The following IFT122 variants were observed in gnomAD, a reference collection of about 807,000 sequenced individuals.
IFT122 encodes the protein intraflagellar transport protein 122 homolog.
Under a neutral mutation model 161.6 loss-of-function variants are expected in IFT122, and 118 were observed. The ratio of observed to expected loss-of-function variants is 0.73; its 90% CI spans 0.63 to 0.85. The LOEUF (loss-of-function observed/expected upper bound fraction) is 0.85. Ranked by LOEUF, IFT122 falls within the 40% of genes least tolerant of loss-of-function variation. The probability of loss-of-function intolerance (pLI) is 0.00; values close to 1 mark genes in which losing one functional copy is unlikely to be tolerated. For missense variants in IFT122, 1,381 were observed against 1,579.6 expected (o/e 0.87, Z 2.13); for synonymous variants, 550 against 602.4 (o/e 0.91, Z 1.27).
At chr3:129,444,927 A>G (rs1367810859) in intron 1 of IFT122, among the ~76,000 whole-genome samples, 1 of 152,260 alleles carries the variant, frequency 6.6e-6, no homozygotes, top group Admixed American at 6.5e-5. Flanking sequence ...TGAATTCTTC[A>G]TGTAATGCCT....
Position 129,520,197 on chromosome 3 carries a change from G to T in IFT122, c.3658G>T (p.Glu1220Ter), listed in dbSNP as rs757121153. ...TTAGATGTTCCATTCTGAGGACTAT[G>T]AGTTGCTGGTGCTTCAGCATGGCTG... ...CFQMFHSEDY[E>*]LLVLQHGCCP... The change falls in exon 30 of 30, where the codon GAG (glutamate) becomes TAG (stop). Residue 1220 changes from glutamate to a stop codon, truncating the protein, a stop_gained. Coordinates refer to ENST00000348417, the MANE Select transcript of IFT122 (RefSeq NM_052989.3). LOFTEE classifies it high-confidence loss of function. The T allele has an allele frequency of 1.2e-6, 2 of 1,612,354 alleles. No homozygotes were observed. The highest frequency in any genetic ancestry group is 1.7e-6 in the Non-Finnish European group (2 of 1,179,964).
At position 129,476,326 on chromosome 3, in the gene IFT122, T is replaced by A. The variant is rs377219797; in HGVS notation, c.828T>A (p.Asp276Glu). 6.2e-7 allele frequency: 1 copy of A among 1,614,046 alleles called. No individual in the cohort carries two copies. The highest frequency in any genetic ancestry group is 1.3e-5 in the African/African-American group (1 of 74,920). Residue 276 changes from aspartate (D) to glutamate (E), a missense_variant, in exon 10 of 30, where the codon GAT (aspartate) becomes GAA (glutamate). By Grantham distance (45) the Asp-to-Glu change is conservative. Transcript: ENST00000348417. ...YQLSGKQIGK[D>E]RALNFDPCCI... The stretch of plus-strand genomic sequence containing the variant: ...TTCTTTTTCCTCAGATTGGAAAGGA[T>A]CGGGCACTGAACTTTGACCCCTGCT...
Position 129,512,308 on chromosome 3 carries a change from G to A in IFT122, c.2887-4G>A, listed in dbSNP as rs1400299026. On this transcript the variant is annotated splice_region_variant and splice_polypyrimidine_tract_variant and intron_variant, in intron 23 of 29. Transcript: ENST00000348417. The stretch of plus-strand genomic sequence containing the variant: ...AATCCCTGTTTGCTTTTCTCTCACT[G>A]CAGGAAGATCCGTTCAGTGTCCATC... 3.7e-6 allele frequency: 6 copies of A among 1,609,394 alleles called. No individual in the cohort carries two copies. In the African/African-American group the frequency reaches 4.0e-5, roughly 11 times the overall value.
chr3:129,502,764 T>C lies in IFT122; in HGVS notation c.2429T>C (p.Leu810Pro), dbSNP rs759486076. 1 of 1,612,438 alleles carries C rather than the reference T, an allele frequency of 6.2e-7. No homozygotes were observed. Among genetic ancestry groups the C allele is most frequent in the Admixed American group, 1.7e-5 (1 of 60,030 alleles). Residue 810 changes from leucine (L) to proline (P), a missense_variant, in exon 20 of 30, where the codon CTG becomes CCG. By Grantham distance (98) the Leu-to-Pro change is moderately conservative. Transcript: ENST00000348417. ...LDKAEREPLL[L>P]CATYLKKLDS... ...AAGGCTGAGCGCGAGCCCCTGCTGC[T>C]GTGCGCTACCTACCTCAAGAAGCTG...
intron 12 of IFT122, among the ~76,000 whole-genome samples, chr3:129,478,975 C>G (rs1012739417): frequency 6.6e-6 from 1 of 151,778 alleles, no homozygotes; most frequent in African/African-American, 2.4e-5. Flanking sequence ...AAGTCAATGC[C>G]AAGAGAAGTT....
At chr3:129,494,637 C>T (rs1297064503) in intron 17 of IFT122, among the ~76,000 whole-genome samples, 8 of 151,966 alleles carry the variant, frequency 5.3e-5, no homozygotes, top group African/African-American at 1.7e-4. Flanking sequence ...TGTAGACAAG[C>T]GAATGTTCCC....
At position 129,478,142 on chromosome 3, in the gene IFT122, G is replaced by A. The variant is rs1478496394; in HGVS notation, c.1274G>A (p.Arg425Gln). The change falls in exon 12 of 30, where the codon CGG (arginine) becomes CAG (glutamine). Residue 425 changes from arginine (R) to glutamine (Q), a missense_variant. Coordinates refer to ENST00000348417, the MANE Select transcript of IFT122 (RefSeq NM_052989.3). Reference protein sequence around the residue: ...YSEDLSDMHYRVKEKIIKKFE... With the variant: ...YSEDLSDMHYQVKEKIIKKFE... ...GAGGACTTATCAGACATGCATTACC[G>A]GGTAAAGGAGAAGATTATCAAGAAG... 3.7e-6 allele frequency: 6 copies of A among 1,614,038 alleles called. No homozygotes were observed. Among genetic ancestry groups the A allele is most frequent in the African/African-American group, 1.3e-5 (1 of 74,920 alleles).
Position 129,449,911 on chromosome 3 carries a change from AT to A in IFT122, c.86del (p.Leu29TrpfsTer60). On this transcript the variant is annotated frameshift_variant, in exon 2 of 30. Coordinates refer to ENST00000348417, the MANE Select transcript of IFT122 (RefSeq NM_052989.3). LOFTEE classifies it high-confidence loss of function. ...IAFKPDGTQL[I>X]LAAGSRLLVY... ...ATTTAAGCCTGATGGAACTCAACTG[AT>A]TTTGGCTGCCGGAAGCAGATTACTG... The A allele has an allele frequency of 1.2e-6, 2 of 1,613,020 alleles. No homozygotes were observed. Among genetic ancestry groups the A allele is most frequent in the Non-Finnish European group, 1.7e-6 (2 of 1,179,336 alleles).
Position 129,464,786 on chromosome 3 carries a change from T to G in IFT122, c.563+5T>G. 2 of 1,614,092 alleles carry G rather than the reference T, an allele frequency of 1.2e-6. No individual in the cohort carries two copies. The highest frequency in any genetic ancestry group is 1.7e-6 in the Non-Finnish European group (2 of 1,179,972). On this transcript the variant is annotated splice_donor_5th_base_variant and intron_variant, in intron 7 of 29. Transcript: ENST00000348417. ...CATCTGCTGGAACCCTTCAAGGTAC[T>G]CTTAAAGTTGTCCTCCTTCTAGAAC...
rs1393052402 is a variant in IFT122, at chr3:129,517,267, T to TGCGCGCGCGCGCGCGCGCGCGC, written c.3266-200_3266-199insGCGCGCGCGCGCGCGCGCGCGC. ...CCCCTGCACACACACACATTGCTCC[T>TGCGCGCGCGCGCGCGCGCGCGC]GCACACACACACACACACACACACA... On this transcript the variant is annotated intron_variant, in intron 26 of 29. Transcript: ENST00000348417. 2.2e-5 allele frequency among the ~76,000 whole-genome samples: 2 copies of TGCGCGCGCGCGCGCGCGCGCGC among 89,780 alleles called. 1 individual carries two copies. The highest frequency in any genetic ancestry group is 1.2e-4 in the African/African-American group (2 of 17,270). 58.9% of individuals were successfully genotyped at this position (89,780 alleles called of 152,430 possible).
At chr3:129,481,895 C>T (rs1165041893) in intron 14 of IFT122, among the ~76,000 whole-genome samples, 1 of 152,240 alleles carries the variant, frequency 6.6e-6, no homozygotes, top group Non-Finnish European at 1.5e-5. Flanking sequence ...AGGGCCTGGA[C>T]CGGCCTCTTT....
intron 21 of IFT122, among the ~76,000 whole-genome samples, chr3:129,504,966 C>A (rs182163706): frequency 6.6e-6 from 1 of 152,322 alleles, no homozygotes; most frequent in Admixed American, 6.5e-5. Context: ...CGGGTGACTT[C>A]TGCTCCTCAA....
chr3:129,458,947 C>A (rs537066272), intron 4 of IFT122, among the ~76,000 whole-genome samples: 2 of 152,158 alleles, frequency 1.3e-5, no homozygotes, highest in African/African-American at 4.8e-5. Flanking sequence ...TATCCCACCC[C>A]CAACCTGTCA....
intron 14 of IFT122, among the ~76,000 whole-genome samples, chr3:129,483,266 A>G (rs573538818): frequency 2.6e-5 from 4 of 152,316 alleles, no homozygotes; most frequent in South Asian, 2.1e-4. Context: ...TGCTTACTCA[A>G]AAATTCCAAC....
rs1406368473 is a variant in IFT122, at chr3:129,450,698, G to GGT, written c.108+776_108+777dup. ...AAAGTTTCCGCTTGATTTCTCAGAT[G>GGT]GTGTGTGTGTGTGTGTTTTTTTTTT... On this transcript the variant is annotated intron_variant, in intron 2 of 29. Transcript: ENST00000348417. Among the ~76,000 whole-genome samples, 118 of 147,916 alleles carry GGT rather than the reference G, an allele frequency of 8.0e-4. 1 individual carries two copies. The highest frequency in any genetic ancestry group is 1.9e-3 in the African/African-American group (77 of 39,566).
Position 129,506,440 on chromosome 3 carries a change from G to A in IFT122, c.2682G>A (p.Ala894=), listed in dbSNP as rs61741773. The A allele has an allele frequency of 1.6e-3, 2,543 of 1,614,152 alleles. 25 individuals carry two copies. The African/African-American group carries it at 0.03, about 19-fold the overall frequency. Residue 894 remains alanine (A), a synonymous_variant, in exon 22 of 30, where the codon GCG becomes GCA. Transcript: ENST00000348417. ...ACAAGGCTGGGCGACAGAGAGAAGC[G>A]GTCCAGGTGCTGGAGCAGCTCACAA... is the stretch of plus-strand genomic sequence containing the variant. ...AFHKAGRQRE[A]VQVLEQLTNN... is the part of the protein sequence containing the mutation.
intron 23 of IFT122, among the ~76,000 whole-genome samples, chr3:129,511,306 C>A (rs1301682407): frequency 6.6e-6 from 1 of 152,188 alleles, no homozygotes; most frequent in African/African-American, 2.4e-5. Flanking sequence ...TTCTTGGGTT[C>A]TTGGAGCTAA....
chr3:129,500,041 T>C lies in IFT122; in HGVS notation c.2348T>C (p.Ile783Thr). ...SAGEHVKAIE[I>T]CGDHGWVDML... ...GGAGAGCACGTCAAGGCCATCGAGA[T>C]CTGTGGTGACCATGGCTGGGTTGAC... The change falls in exon 19 of 30, where the codon ATC (isoleucine) becomes ACC (threonine). Residue 783 changes from isoleucine to threonine, a missense_variant. By Grantham distance (89) the Ile-to-Thr change is moderately conservative. Coordinates refer to ENST00000348417, the MANE Select transcript of IFT122 (RefSeq NM_052989.3). The C allele has an allele frequency of 6.2e-7, 1 of 1,614,148 alleles. No homozygotes were observed. Among genetic ancestry groups the C allele is most frequent in the Non-Finnish European group, 8.5e-7 (1 of 1,180,018 alleles).
intron 7 of IFT122, among the ~76,000 whole-genome samples, chr3:129,465,151 GT>G (rs2076601137): frequency 1.5e-5 from 2 of 130,994 alleles, no homozygotes. Flanking sequence ...GTGTGTGTGT[GT>G]GTGTGTGTGG....
Sources: allele counts gnomAD v4.1 joint callset (sites outside exome capture counted in the v4.1 genomes callset), GRCh38; gene constraint gnomAD v4.1.1; transcripts MANE v1.5; gene names NCBI Gene and HGNC (gene_info 2026-07-23, HGNC 2026-07-21).